Variants in TDP1 observed in about 807,000 individuals in gnomAD.
TDP1 encodes the protein tyr-DNA phosphodiesterase 1.
In TDP1, 64 loss-of-function variants were observed where a neutral mutation model predicts 81.5. The ratio of observed to expected loss-of-function variants is 0.79; its 90% CI spans 0.64 to 0.97. The LOEUF (loss-of-function observed/expected upper bound fraction) is 0.97, where lower values mean the gene tolerates loss of function less well. Among genes scored for constraint, TDP1 ranks in the 50% least tolerant of loss-of-function variants. The pLI, the probability that TDP1 is intolerant of heterozygous loss-of-function variation, is 0.00. For synonymous variants in TDP1, 256 were observed against 264.3 expected, an observed-to-expected ratio of 0.97 and a Z score of 0.30; for missense variants, 723 against 743.8, an observed-to-expected ratio of 0.97 and a Z score of 0.33.
At chr14:89,972,225 A>G (rs1266456767) in intron 6 of TDP1, among the ~76,000 whole-genome samples, 1 of 152,200 alleles carries the variant, frequency 6.6e-6, no homozygotes, top group Admixed American at 6.5e-5. Context: ...GCCTCAGGAA[A>G]CTTTCAATTG....
intron 10 of TDP1, 21 bp from the exon 11 acceptor site, chr14:89,988,884 T>A: frequency 6.2e-7 from 1 of 1,613,926 alleles, no homozygotes; most frequent in Non-Finnish European, 8.5e-7. Context: ...CACTTTAACA[T>A]TCACTTTTAT....
chr14:90,020,309 G>T (rs75313004), intron 15 of TDP1, among the ~76,000 whole-genome samples: 11,226 of 151,432 alleles, frequency 0.074, 810 homozygotes, highest in African/African-American at 0.19. Flanking sequence ...ATACAGAATC[G>T]CCCACACAAT....
intron 16 of TDP1, among the ~76,000 whole-genome samples, chr14:90,036,074 A>G (rs1336006858): frequency 6.6e-5 from 10 of 152,170 alleles, no homozygotes; most frequent in African/African-American, 2.4e-5. Flanking sequence ...ATGCTTTCCA[A>G]TGTTTAAATG....
intron 8 of TDP1, 105 bp from the exon 9 acceptor site, chr14:89,984,411 G>T: frequency 1.2e-6 from 2 of 1,601,650 alleles, no homozygotes. Flanking sequence ...ACCATGTGGA[G>T]ATACCGAGAA....
chr14:89,999,160 C>A (rs894513675), intron 14 of TDP1, among the ~76,000 whole-genome samples: 2 of 152,090 alleles, frequency 1.3e-5, no homozygotes, highest in Non-Finnish European at 2.9e-5. Flanking sequence ...TATTTAATAA[C>A]CTGGCCATCA....
At chr14:90,029,191 A>ATT (rs1886978016) in intron 15 of TDP1, among the ~76,000 whole-genome samples, 3 of 134,488 alleles carry the variant, frequency 2.2e-5, no homozygotes, top group African/African-American at 6.5e-5. Context: ...CAGCCCTGCC[A>ATT]TTATTTTTTT....
At chr14:89,981,182 C>G (rs1894933656) in intron 8 of TDP1, among the ~76,000 whole-genome samples, 1 of 152,188 alleles carries the variant, frequency 6.6e-6, no homozygotes, top group Non-Finnish European at 1.5e-5. Context: ...CCCACTCCCC[C>G]AGTTGGTGTA....
In TDP1 at chr14:89,963,318, A is replaced by G. The variant is rs1892552376; in HGVS notation, c.204A>G (p.Thr68=). Residue 68 remains threonine (T), a synonymous_variant, in exon 3 of 17, where the codon ACA becomes ACG. Coordinates refer to ENST00000335725, the MANE Select transcript of TDP1 (RefSeq NM_018319.4). ...TATCACCTGTGAAATTCAGCAATAC[A>G]GATTCAGTTTTACCTCCCAAAAGGC... ...RKISPVKFSN[T]DSVLPPKRQK... is the part of the protein sequence containing the mutation. The G allele has an allele frequency of 1.2e-6, 2 of 1,614,092 alleles. No individual in the cohort carries two copies. Among genetic ancestry groups the G allele is most frequent in the Non-Finnish European group, 8.5e-7 (1 of 1,180,036 alleles).
intron 2 of TDP1, among the ~76,000 whole-genome samples, chr14:89,960,320 C>T (rs1892177784): frequency 6.6e-6 from 1 of 152,052 alleles, no homozygotes; most frequent in African/African-American, 2.4e-5. Flanking sequence ...AAAAAACCAC[C>T]TCTGAGCTGC....
At chr14:90,008,795 A>G (rs1365467258) in intron 14 of TDP1, among the ~76,000 whole-genome samples, 1 of 152,136 alleles carries the variant, frequency 6.6e-6, no homozygotes. Context: ...ACGTGATCAT[A>G]GCTCCTGGGC....
rs58264054 is a variant in TDP1, at chr14:89,998,372, TTATATATATATATATATATATATA to T, written c.1541+4917_1541+4940del. Among the ~76,000 whole-genome samples, 123 of 53,128 alleles carry T rather than the reference TTATATATATATATATATATATATA, an allele frequency of 2.3e-3. 3 individuals are homozygous for T. The highest frequency in any genetic ancestry group is 4.3e-3 in the African/African-American group (52 of 12,140). The allele number at this position is 53,128 out of a possible 152,430, so 34.9% of individuals were successfully genotyped here. On this transcript the variant is annotated intron_variant, in intron 14 of 16. Transcript: ENST00000335725. ...AGTTCCAGGCACAGTTCCAAGCACA[TTATATATATATATATATATATATA>T]TATATATATATATATATATATATAT...
At chr14:90,006,020 T>C (rs969305397) in intron 14 of TDP1, among the ~76,000 whole-genome samples, 10 of 152,226 alleles carry the variant, frequency 6.6e-5, no homozygotes, top group African/African-American at 2.4e-4. Flanking sequence ...TAGGCTGGAC[T>C]ATGCCATCGG....
intron 8 of TDP1, among the ~76,000 whole-genome samples, chr14:89,983,734 G>A (rs182643139): frequency 8.5e-5 from 13 of 152,312 alleles, no homozygotes; most frequent in Admixed American, 3.9e-4. Flanking sequence ...CTACTGTGGA[G>A]CAGTTTATAG....
chr14:89,974,649 C>A (rs1253341589), intron 6 of TDP1, among the ~76,000 whole-genome samples: 1 of 142,984 alleles, frequency 7.0e-6, no homozygotes, highest in African/African-American at 2.8e-5. Context: ...TGCATGCAGG[C>A]CCCCGTTGCT....
At chr14:90,040,774 G>A (rs1437779764) in intron 16 of TDP1, among the ~76,000 whole-genome samples, 1 of 152,202 alleles carries the variant, frequency 6.6e-6, no homozygotes, top group Non-Finnish European at 1.5e-5. Flanking sequence ...TGAGTTAAAA[G>A]AATCACAACC....
At position 90,044,437 on chromosome 14, in the gene TDP1, T is replaced by C. The variant is rs1888631140; in HGVS notation, c.*1294T>C. On this transcript the variant is annotated 3_prime_UTR_variant, in exon 17 of 17. Coordinates refer to ENST00000335725, the MANE Select transcript of TDP1 (RefSeq NM_018319.4). ...TTTGTTTTCTTCTGCATGAGGCTGA[T>C]TTCCAGTTTGTCATCAACCTCTTTA... 6.6e-6 allele frequency: 1 copy of C among 152,210 alleles called. No homozygotes were observed. Among genetic ancestry groups the C allele is most frequent in the Non-Finnish European group, 1.5e-5 (1 of 68,046 alleles). 9.4% of individuals were successfully genotyped at this position (152,210 alleles called of 1,614,324 possible).
chr14:89,961,512 T>C (rs1596493642), intron 2 of TDP1, among the ~76,000 whole-genome samples: 1 of 152,358 alleles, frequency 6.6e-6, no homozygotes, highest in East Asian at 1.9e-4. Context: ...TTGCTTGGCA[T>C]GGCCTTAGGT....
At chr14:90,023,189 C>CT in intron 15 of TDP1, 1 of 695,782 alleles carries the variant, frequency 1.4e-6, no homozygotes, top group South Asian at 1.5e-5. Context: ...ACCATGTGGT[C>CT]TGCCCGGGGG....
chr14:89,990,847 A>G (rs1896104299), intron 12 of TDP1, among the ~76,000 whole-genome samples: 3 of 110,116 alleles, frequency 2.7e-5, no homozygotes, highest in Non-Finnish European at 6.1e-5. Flanking sequence ...AAGTTCCAGC[A>G]TGTGTGTGGA....
Sources: allele counts gnomAD v4.1 joint callset (sites outside exome capture counted in the v4.1 genomes callset), GRCh38; gene constraint gnomAD v4.1.1; transcripts MANE v1.5; gene names NCBI Gene and HGNC (gene_info 2026-07-23, HGNC 2026-07-21).